The following DISC1 variants were observed in gnomAD, a reference collection of about 807,000 sequenced individuals.
The protein encoded by DISC1 is disrupted in schizophrenia 1 protein.
A neutral mutation model predicts 84.5 loss-of-function variants in DISC1; 57 were observed. The observed-to-expected ratio is 0.67, with a 90% CI of 0.55 to 0.84. DISC1 has a LOEUF of 0.84. DISC1 is among the 40% of genes least tolerant of loss of function. The pLI, the probability that DISC1 is intolerant of heterozygous loss-of-function variation, is 0.00. For missense variants in DISC1, 1,000 were observed against 1,057.8 expected (o/e 0.95, Z 0.76); for synonymous variants, 411 against 415.2 (o/e 0.99, Z 0.12).
intron 9 of DISC1, among the ~76,000 whole-genome samples, chr1:231,909,557 G>C (rs1204556352): frequency 6.6e-6 from 1 of 152,182 alleles, no homozygotes; most frequent in Non-Finnish European, 1.5e-5. Flanking sequence ...TTGATGTGCT[G>C]CTGGATTCTG....
intron 1 of DISC1, among the ~76,000 whole-genome samples, chr1:231,634,895 C>T (rs1001251360): frequency 3.3e-5 from 5 of 150,788 alleles, no homozygotes; most frequent in Admixed American, 1.3e-4. Context: ...GCACTCCAGC[C>T]TGGACAACAT....
intron 1 of DISC1, among the ~76,000 whole-genome samples, chr1:231,667,642 C>T (rs1032493267): frequency 6.6e-6 from 1 of 152,150 alleles, no homozygotes; most frequent in African/African-American, 2.4e-5. Context: ...AGCCCACATT[C>T]TGAGATTGTT....
chr1:231,896,553 T>C (rs1490519404), intron 9 of DISC1, among the ~76,000 whole-genome samples: 1 of 152,238 alleles, frequency 6.6e-6, no homozygotes, highest in African/African-American at 2.4e-5. Context: ...TTTCTGATGC[T>C]CTTCTAGAAA....
rs941522299 is a variant in DISC1 at position 231,934,464 on chromosome 1, C to T, written c.1982-24364C>T. Among the ~76,000 whole-genome samples, 6 of 152,088 alleles carry T rather than the reference C, an allele frequency of 3.9e-5. No individual in the cohort carries two copies. The South Asian group carries it at 6.2e-4, about 16-fold the overall frequency. On this transcript the variant is annotated intron_variant, in intron 9 of 12. Coordinates refer to ENST00000439617, the MANE Select transcript of DISC1 (RefSeq NM_018662.3). Reference sequence around the variant, plus strand: ...AGCTGCTCTTAAATGGTCCGTGCTGCGGTTTAGTGGACACAACATAGCACA... The same window carrying T: ...AGCTGCTCTTAAATGGTCCGTGCTGTGGTTTAGTGGACACAACATAGCACA...
At chr1:231,660,868 G>A (rs1328377229) in intron 1 of DISC1, among the ~76,000 whole-genome samples, 1 of 152,172 alleles carries the variant, frequency 6.6e-6, no homozygotes, top group Non-Finnish European at 1.5e-5. Flanking sequence ...AGTGTCACTG[G>A]TCTGTGTAGT....
At position 232,036,849 on chromosome 1, in the gene DISC1, G is replaced by A. The variant is rs1363142571; in HGVS notation, c.*18G>A. 6.5e-7 allele frequency: 1 copy of A among 1,531,636 alleles called. No homozygotes were observed. Among genetic ancestry groups the A allele is most frequent in the South Asian group, 1.2e-5 (1 of 80,212 alleles). The allele number at this position is 1,531,636 out of a possible 1,614,324, so 94.9% of individuals were successfully genotyped here. ...AAGCCTGAGGAGTGACGGGATGGGGGAGGGAGGTGGGCCACCATGTTTGGA... is the reference window on the plus strand; with the variant it reads ...AAGCCTGAGGAGTGACGGGATGGGGAAGGGAGGTGGGCCACCATGTTTGGA... On this transcript the variant is annotated 3_prime_UTR_variant, in exon 13 of 13. Transcript: ENST00000439617.
intron 9 of DISC1, among the ~76,000 whole-genome samples, chr1:231,824,754 T>C (rs1450441485): frequency 6.6e-6 from 1 of 152,186 alleles, no homozygotes; most frequent in Non-Finnish European, 1.5e-5. Flanking sequence ...GCACCTGATA[T>C]ATATAGCATC....
chr1:231,801,229 TAACA>T (rs2079220087), intron 8 of DISC1, among the ~76,000 whole-genome samples: 1 of 152,124 alleles, frequency 6.6e-6, no homozygotes, highest in Non-Finnish European at 1.5e-5. Context: ...GCTTGGCTCT[TAACA>T]GCTTCACATG....
intron 10 of DISC1, among the ~76,000 whole-genome samples, chr1:232,008,061 C>G (rs1238007955): frequency 6.6e-6 from 1 of 152,162 alleles, no homozygotes; most frequent in African/African-American, 2.4e-5. Context: ...GAGGCCTCCC[C>G]AGCCACACTG....
intron 9 of DISC1, among the ~76,000 whole-genome samples, chr1:231,861,816 C>T (rs1426928077): frequency 2.0e-5 from 3 of 152,028 alleles, no homozygotes; most frequent in Non-Finnish European, 4.4e-5. Flanking sequence ...TGAGATATTA[C>T]CTCATAGTAG....
At position 231,954,801 on chromosome 1, in the gene DISC1, G is replaced by C. The variant is rs1390378792; in HGVS notation, c.1982-4027G>C. Among the ~76,000 whole-genome samples the C allele has an allele frequency of 6.6e-6, 1 of 152,232 alleles. No homozygotes were observed. Among genetic ancestry groups the C allele is most frequent in the African/African-American group, 2.4e-5 (1 of 41,464 alleles). Reference sequence around the variant, plus strand: ...TTAAAATCTAAACTCCCTGTCTACAGTCTTGGCCTGTCTTGAAGGTTGTGA... The same window carrying C: ...TTAAAATCTAAACTCCCTGTCTACACTCTTGGCCTGTCTTGAAGGTTGTGA... On this transcript the variant is annotated intron_variant, in intron 9 of 12. Transcript: ENST00000439617. This position sits in a 1 kb window ranked among gnomAD's most constrained non-coding sequence, Gnocchi z 4.8.
chr1:231,845,154 G>C (rs893174399), intron 9 of DISC1, among the ~76,000 whole-genome samples: 2 of 152,084 alleles, frequency 1.3e-5, no homozygotes, highest in African/African-American at 4.8e-5. Flanking sequence ...CCTACTTCCC[G>C]TCATAGCCTG....
At chr1:231,948,782 C>A (rs1001541376) in intron 9 of DISC1, among the ~76,000 whole-genome samples, 2 of 151,360 alleles carry the variant, frequency 1.3e-5, no homozygotes, top group African/African-American at 4.9e-5. Context: ...ATGCCCAGGG[C>A]AGGGGCCCCT....
intron 9 of DISC1, among the ~76,000 whole-genome samples, chr1:231,872,842 G>A (rs1039403120): frequency 1.3e-5 from 2 of 152,170 alleles, no homozygotes; most frequent in African/African-American, 2.4e-5. Context: ...CAAGATAAGT[G>A]CATATTTCAG....
Position 231,693,917 on chromosome 1 carries a change from G to A in DISC1, c.159G>A (p.Gly53=). The part of the protein sequence containing the change: ...PGYMRSSTGP[G]IGFLSPAVGT... ...ACATGAGAAGCTCGACAGGGCCTGGGATCGGGTTCCTTTCCCCAGCAGTGG... is the reference window on the plus strand; with the variant it reads ...ACATGAGAAGCTCGACAGGGCCTGGAATCGGGTTCCTTTCCCCAGCAGTGG... The change falls in exon 2 of 13, where the codon GGG becomes GGA. Residue 53 remains glycine, a synonymous_variant. Coordinates refer to ENST00000439617, the MANE Select transcript of DISC1 (RefSeq NM_018662.3). 2 of 1,614,210 alleles carry A rather than the reference G, an allele frequency of 1.2e-6. No homozygotes were observed. The highest frequency in any genetic ancestry group is 1.7e-6 in the Non-Finnish European group (2 of 1,180,020).
chr1:231,665,387 G>T (rs1165331686), intron 1 of DISC1, among the ~76,000 whole-genome samples: 1 of 152,172 alleles, frequency 6.6e-6, no homozygotes, highest in Non-Finnish European at 1.5e-5. Flanking sequence ...ACTGATGCTG[G>T]AAGTGCTCCC....
intron 9 of DISC1, among the ~76,000 whole-genome samples, chr1:231,828,942 A>G (rs780223351): frequency 6.6e-6 from 1 of 152,212 alleles, no homozygotes; most frequent in African/African-American, 2.4e-5. Flanking sequence ...AAGAACTGGA[A>G]TGAGACTCAT....
At chr1:232,014,190 G>A (rs920926380) in intron 11 of DISC1, among the ~76,000 whole-genome samples, 2 of 152,142 alleles carry the variant, frequency 1.3e-5, no homozygotes, top group Non-Finnish European at 2.9e-5. Flanking sequence ...GGGCAAAAGT[G>A]CTTCCTCTTC....
chr1:231,712,416 C>G (rs1188227601), intron 3 of DISC1, among the ~76,000 whole-genome samples: 2 of 152,104 alleles, frequency 1.3e-5, no homozygotes, highest in Non-Finnish European at 2.9e-5. Flanking sequence ...TGTTTCCCCA[C>G]AGAAACATCA....
Sources: gnomAD v4.1 joint callset for allele counts (sites outside exome capture counted in the v4.1 genomes callset) on GRCh38, gnomAD v4.1.1 for gene constraint, Gnocchi (gnomAD v3.1) non-coding constraint, MANE v1.5 for transcripts, NCBI Gene and HGNC (gene_info 2026-07-23, HGNC 2026-07-21) for gene names.